The following SAP130 variants were observed in gnomAD, a reference collection of about 807,000 sequenced individuals.
SAP130 encodes histone deacetylase complex subunit SAP130.
A neutral mutation model predicts 103.2 loss-of-function variants in SAP130; 16 were observed. The ratio of observed to expected loss-of-function variants is 0.16; its 90% CI spans 0.10 to 0.24. SAP130 has a LOEUF of 0.24. Among genes scored for constraint, SAP130 ranks in the 10% least tolerant of loss-of-function variants. SAP130 has a pLI of 1.00. For missense variants in SAP130, 990 were observed against 1,359.7 expected, an observed-to-expected ratio of 0.73 and a Z score of 4.28; for synonymous variants, 477 against 497.0, an observed-to-expected ratio of 0.96 and a Z score of 0.53.
intron 14 of SAP130, among the ~76,000 whole-genome samples, chr2:127,983,139 G>C (rs529107657): frequency 6.6e-6 from 1 of 152,228 alleles, no homozygotes; most frequent in East Asian, 1.9e-4. Context: ...CCTTCCAAAA[G>C]GCATACAGAT....
rs2304519 is a variant in SAP130, at chr2:127,942,176, G to C, written c.3016-12C>G. The C allele has an allele frequency of 0.23, 363,178 of 1,575,120 alleles. 45,119 individuals carry two copies. Among genetic ancestry groups the C allele is most frequent in the South Asian group, 0.37 (31,894 of 85,082 alleles). ...CTCTGCATATTTCCCTGAAACAGAA[G>C]ACATTGCATCATCAATCAGTGACCA... On this transcript the variant is annotated splice_polypyrimidine_tract_variant and intron_variant, in intron 20 of 20. Coordinates refer to ENST00000643581, the MANE Select transcript of SAP130 (RefSeq NM_001330301.2). This position sits in a 1 kb window ranked among gnomAD's most constrained non-coding sequence, Gnocchi z 4.8.
chr2:128,015,808 G>A (rs889122896), intron 4 of SAP130, among the ~76,000 whole-genome samples: 6 of 151,980 alleles, frequency 3.9e-5, no homozygotes, highest in Admixed American at 3.9e-4. Context: ...GGGGGTGGTG[G>A]TGCCCGCTTG....
chr2:128,027,819 G>A (rs1685631411), intron 1 of SAP130, 121 bp downstream of exon 1: 2 of 630,330 alleles, frequency 3.2e-6, no homozygotes, highest in Non-Finnish European at 4.0e-6. Flanking sequence ...CGAGCCGCAG[G>A]AGACGAGGAT....
At chr2:128,017,529 G>T in intron 3 of SAP130, 151 bp downstream of exon 3, 1 of 665,326 alleles carries the variant, frequency 1.5e-6, no homozygotes, top group Non-Finnish European at 2.5e-6. Flanking sequence ...GAAAATCAGG[G>T]CTGAGTTACA....
At chr2:127,947,521 T>G (rs1041702365) in intron 18 of SAP130, among the ~76,000 whole-genome samples, 1 of 152,222 alleles carries the variant, frequency 6.6e-6, no homozygotes, top group African/African-American at 2.4e-5. Flanking sequence ...CTGGTGTTGA[T>G]AGCATGAAAA....
intron 2 of SAP130, among the ~76,000 whole-genome samples, chr2:128,018,354 G>A (rs1259087276): frequency 2.8e-5 from 4 of 141,772 alleles, no homozygotes; most frequent in Non-Finnish European, 4.5e-5. Flanking sequence ...CAAAAACCAC[G>A]TTTTTTTGTA....
At position 128,017,719 on chromosome 2, in the gene SAP130, C is replaced by A; in HGVS notation, c.309G>T (p.Thr103=). The A allele has an allele frequency of 6.2e-7, 1 of 1,614,214 alleles. No individual in the cohort carries two copies. Among genetic ancestry groups the A allele is most frequent in the Non-Finnish European group, 8.5e-7 (1 of 1,180,036 alleles). ...VAVTAPPAHL[T]PAVPLSFSEG... The stretch of plus-strand genomic sequence containing the variant: ...CCGAAAATGAAAGTGGCACTGCTGG[C>A]GTCAGGTGTGCTGGCGGGGCTGTCA... The change falls in exon 3 of 21, where the codon ACG becomes ACT. Residue 103 remains threonine (T), a synonymous_variant. Transcript: ENST00000643581.
At chr2:127,970,573 G>A (rs556720715) in intron 15 of SAP130, among the ~76,000 whole-genome samples, 17 of 138,184 alleles carry the variant, frequency 1.2e-4, no homozygotes, top group African/African-American at 2.6e-4. Context: ...AAAATTAGCC[G>A]GGCATGGTGA....
At position 127,953,065 on chromosome 2, in the gene SAP130, T is replaced by C. The variant is rs553167909; in HGVS notation, c.2422+1921A>G. 5.9e-5 allele frequency among the ~76,000 whole-genome samples: 9 copies of C among 152,346 alleles called. No homozygotes were observed. In the South Asian group the frequency reaches 1.9e-3, roughly 32 times the overall value. ...CCAACTATTTATTTGATGTCTACATTTGAAATGTCTAACAGACATCTGAAA... is the reference window on the plus strand; with the variant it reads ...CCAACTATTTATTTGATGTCTACATCTGAAATGTCTAACAGACATCTGAAA... On this transcript the variant is annotated intron_variant, in intron 16 of 20. Transcript: ENST00000643581. The surrounding 1 kb of genome is among the most constrained non-coding windows in gnomAD (Gnocchi z 4.0).
chr2:127,988,413 T>C (rs568582417), intron 13 of SAP130, among the ~76,000 whole-genome samples: 131 of 135,194 alleles, frequency 9.7e-4, no homozygotes, highest in African/African-American at 3.5e-3. Flanking sequence ...ACAGAGTGAG[T>C]GAGACCTTGT....
In SAP130 at chr2:127,961,052, C is replaced by T. The variant is rs550715836; in HGVS notation, c.2064-5708G>A. Among the ~76,000 whole-genome samples the T allele has an allele frequency of 2.0e-5, 3 of 149,642 alleles. No homozygotes were observed. The South Asian group carries it at 6.3e-4, about 31-fold the overall frequency. ...TCGCCCAGACTGGAGTACAGTGGCACGATCAGGACTCACTGCAGCCTCGAC... is the reference window on the plus strand; with the variant it reads ...TCGCCCAGACTGGAGTACAGTGGCATGATCAGGACTCACTGCAGCCTCGAC... On this transcript the variant is annotated intron_variant, in intron 15 of 20. Transcript: ENST00000643581.
chr2:127,977,561 G>A (rs1352911090), intron 15 of SAP130, among the ~76,000 whole-genome samples: 1 of 152,086 alleles, frequency 6.6e-6, no homozygotes, highest in Non-Finnish European at 1.5e-5. Flanking sequence ...CATAGCAACT[G>A]GGTGTTTGCT....
At chr2:128,011,014 T>C (rs542351773) in intron 6 of SAP130, among the ~76,000 whole-genome samples, 9 of 151,696 alleles carry the variant, frequency 5.9e-5, no homozygotes, top group South Asian at 4.2e-4. Context: ...ACAAATGTGA[T>C]TGGAGTCAAA....
intron 16 of SAP130, among the ~76,000 whole-genome samples, chr2:127,951,136 G>A (rs1385587634): frequency 1.3e-5 from 2 of 152,140 alleles, no homozygotes; most frequent in Admixed American, 6.5e-5. Context: ...AGTATGAAGT[G>A]GGCAAGCTGG....
intron 14 of SAP130, among the ~76,000 whole-genome samples, chr2:127,978,728 A>G (rs1369921631): frequency 1.3e-5 from 2 of 152,252 alleles, no homozygotes; most frequent in Admixed American, 1.3e-4. Context: ...GGATCCAGGT[A>G]CTGATCTTCA....
intron 6 of SAP130, among the ~76,000 whole-genome samples, chr2:128,012,203 C>T (rs1353570341): frequency 6.6e-6 from 1 of 152,190 alleles, no homozygotes; most frequent in African/African-American, 2.4e-5. Flanking sequence ...GGCACAGTAG[C>T]TCACGCCTGT....
chr2:128,019,816 G>A (rs1028257944), intron 2 of SAP130, among the ~76,000 whole-genome samples: 42 of 151,990 alleles, frequency 2.8e-4, no homozygotes, highest in African/African-American at 8.0e-4. Flanking sequence ...GAGCCCGGGA[G>A]GTGGAGGTTG....
Position 127,989,459 on chromosome 2 carries a change from G to C in SAP130, c.1780+105C>G, listed in dbSNP as rs188102730. 6 of 1,011,970 alleles carry C rather than the reference G, an allele frequency of 5.9e-6. No individual in the cohort carries two copies. In the East Asian group the frequency reaches 1.5e-4, roughly 26 times the overall value. 62.7% of individuals were successfully genotyped at this position (1,011,970 alleles called of 1,614,324 possible). On this transcript the variant is annotated intron_variant, in intron 13 of 20. Transcript: ENST00000643581. The surrounding 1 kb of genome is among the most constrained non-coding windows in gnomAD (Gnocchi z 4.6). ...ATATTATTAATACAAAGAAGAAAAGGCCTAGAGAAATTATAAGACGACAAA... is the reference window on the plus strand; with the variant it reads ...ATATTATTAATACAAAGAAGAAAAGCCCTAGAGAAATTATAAGACGACAAA...
At chr2:128,014,434 G>C (rs1684624174) in intron 5 of SAP130, among the ~76,000 whole-genome samples, 1 of 151,328 alleles carries the variant, frequency 6.6e-6, no homozygotes, top group Non-Finnish European at 1.5e-5. Context: ...TCAGCCTCCT[G>C]AGTGCCATCC....
Sources: allele counts gnomAD v4.1 joint callset (sites outside exome capture counted in the v4.1 genomes callset), GRCh38; gene constraint gnomAD v4.1.1; non-coding constraint Gnocchi (gnomAD v3.1); transcripts MANE v1.5; gene names NCBI Gene and HGNC (gene_info 2026-07-23, HGNC 2026-07-21).